Variants in F13A1 observed in about 807,000 individuals in gnomAD.
The protein encoded by F13A1 is coagulation factor XIII A chain.
Under a neutral mutation model 80.1 loss-of-function variants are expected in F13A1, and 47 were observed. The observed-to-expected ratio is 0.59, with a 90% CI of 0.46 to 0.75. The LOEUF (loss-of-function observed/expected upper bound fraction) is 0.75. Ranked by LOEUF, F13A1 falls within the 30% of genes least tolerant of loss-of-function variation. F13A1 has a pLI of 0.00. For missense variants in F13A1, 817 were observed against 930.4 expected (o/e 0.88, Z 1.59); for synonymous variants, 349 against 344.9 (o/e 1.01, Z -0.13).
intron 6 of F13A1, 125 bp downstream of exon 6, chr6:6,248,187 A>T: frequency 1.2e-6 from 1 of 852,400 alleles, no homozygotes; most frequent in South Asian, 1.4e-5. Context: ...GTCAGAAGCT[A>T]GAATCTTACA....
intron 3 of F13A1, among the ~76,000 whole-genome samples, chr6:6,287,889 T>C (rs975078870): frequency 4.6e-5 from 7 of 152,098 alleles, no homozygotes; most frequent in Non-Finnish European, 1.0e-4. Flanking sequence ...GGAGACTGGG[T>C]ATTTCTGTTG....
intron 10 of F13A1, among the ~76,000 whole-genome samples, chr6:6,191,005 C>G (rs1481783607): frequency 2.0e-5 from 3 of 152,228 alleles, no homozygotes; most frequent in Non-Finnish European, 4.4e-5. Flanking sequence ...CATCCGTCAC[C>G]CCTTTCTTTG....
chr6:6,149,893 C>T (rs1344449707), intron 14 of F13A1, among the ~76,000 whole-genome samples: 5 of 152,180 alleles, frequency 3.3e-5, no homozygotes, highest in East Asian at 1.9e-4. Flanking sequence ...TCCTTTCTCC[C>T]GATTCACTCC....
intron 4 of F13A1, among the ~76,000 whole-genome samples, chr6:6,254,211 T>A (rs889859201): frequency 1.3e-5 from 2 of 152,182 alleles, no homozygotes; most frequent in African/African-American, 2.4e-5. Flanking sequence ...ATGGCTGTAG[T>A]GTAAAATACT....
chr6:6,169,852 C>T (rs141879801), intron 12 of F13A1, among the ~76,000 whole-genome samples: 150 of 152,332 alleles, frequency 9.8e-4, no homozygotes, highest in Non-Finnish European at 1.8e-3. Flanking sequence ...TTTGGGCAAG[C>T]GCTAAAGAGC....
chr6:6,308,639 G>T, intron 2 of F13A1, among the ~76,000 whole-genome samples: 1 of 109,908 alleles, frequency 9.1e-6, no homozygotes. Context: ...TTGAGGCAGA[G>T]TCCTGCTCTG....
At chr6:6,211,478 A>T (rs1303401387) in intron 8 of F13A1, among the ~76,000 whole-genome samples, 9 of 152,274 alleles carry the variant, frequency 5.9e-5, no homozygotes, top group Non-Finnish European at 5.9e-5. Context: ...ACAAACCCTT[A>T]AGCATCTTTA....
chr6:6,250,985 T>TTGCAAGTTTA lies in F13A1; in HGVS notation c.572-66_572-57dup. 1 of 1,298,434 alleles carries TTGCAAGTTTA rather than the reference T, an allele frequency of 7.7e-7. No individual in the cohort carries two copies. The highest frequency in any genetic ancestry group is 1.1e-6 in the Non-Finnish European group (1 of 895,930). 80.4% of individuals were successfully genotyped at this position (1,298,434 alleles called of 1,614,324 possible). ...ACCAAACCAGACTGTTTCCAAACAC[T>TTGCAAGTTTA]TGCAAGTTTATGCAAGTTTATTTTG... On this transcript the variant is annotated intron_variant, in intron 4 of 14. Coordinates refer to ENST00000264870, the MANE Select transcript of F13A1 (RefSeq NM_000129.4). This position sits in a 1 kb window ranked among gnomAD's most constrained non-coding sequence, Gnocchi z 4.2.
chr6:6,237,661 C>T (rs1757430788), intron 6 of F13A1, among the ~76,000 whole-genome samples: 1 of 152,200 alleles, frequency 6.6e-6, no homozygotes, highest in Admixed American at 6.5e-5. Flanking sequence ...TGTCCTTACT[C>T]TTTGATCACA....
At chr6:6,281,491 A>T (rs892151451) in intron 3 of F13A1, among the ~76,000 whole-genome samples, 2 of 152,204 alleles carry the variant, frequency 1.3e-5, no homozygotes, top group Non-Finnish European at 1.5e-5. Flanking sequence ...TCCCTAAGGG[A>T]CGACACTAGG....
intron 10 of F13A1, among the ~76,000 whole-genome samples, chr6:6,191,665 C>T (rs1761202832): frequency 6.6e-6 from 1 of 152,230 alleles, no homozygotes; most frequent in South Asian, 2.1e-4. Flanking sequence ...TAGAGACGTG[C>T]TCTTGCTTTC....
At chr6:6,211,956 C>T (rs1011164971) in intron 8 of F13A1, among the ~76,000 whole-genome samples, 5 of 152,358 alleles carry the variant, frequency 3.3e-5, no homozygotes, top group East Asian at 3.9e-4. Context: ...CACCCAAATA[C>T]TGCGCTTTTC....
chr6:6,195,473 A>G (rs1035716436), intron 10 of F13A1, among the ~76,000 whole-genome samples: 8 of 152,216 alleles, frequency 5.3e-5, no homozygotes, highest in East Asian at 1.9e-4. Context: ...ATCTCTTCCA[A>G]TGAGGTTAGT....
chr6:6,300,324 GGC>G (rs1211931754), intron 3 of F13A1, among the ~76,000 whole-genome samples: 1 of 150,970 alleles, frequency 6.6e-6, no homozygotes, highest in Non-Finnish European at 1.5e-5. Flanking sequence ...GGCAATGGCG[GGC>G]GCCCCTCCCC....
At position 6,266,807 on chromosome 6, in the gene F13A1, G is replaced by A. The variant is rs751922706; in HGVS notation, c.322C>T (p.Arg108Cys). The A allele has an allele frequency of 6.8e-6, 11 of 1,614,080 alleles. No individual in the cohort carries two copies. Among genetic ancestry groups the A allele is most frequent in the Admixed American group, 1.7e-5 (1 of 60,014 alleles). Reference sequence around the variant, plus strand: ...GTTCCCTTGTTCTCCTGTGGGTAGCGACCTATGAGAAGAGAGAAGAAATAC... The same window carrying A: ...GTTCCCTTGTTCTCCTGTGGGTAGCAACCTATGAGAAGAGAGAAGAAATAC... ...DLFRVEYVIG[R>C]YPQENKGTYI... The change falls in exon 4 of 15, where the codon CGC (arginine) becomes TGC (cysteine). Residue 108 changes from arginine (R) to cysteine (C), a missense_variant and splice_region_variant. Arg to Cys is a radical substitution (Grantham distance 180). Coordinates refer to ENST00000264870, the MANE Select transcript of F13A1 (RefSeq NM_000129.4).
chr6:6,194,128 C>A (rs144794617), intron 10 of F13A1, among the ~76,000 whole-genome samples: 1 of 152,100 alleles, frequency 6.6e-6, no homozygotes, highest in African/African-American at 2.4e-5. Flanking sequence ...GGAGGGATGA[C>A]CAGCCCTCTA....
In F13A1 at chr6:6,145,643, C is replaced by G; in HGVS notation, c.2175G>C (p.Gln725His). ...LRHVYGELDV[Q>H]IQRRPSM ...TTCACATGGAAGGTCGTCTTTGAAT[C>G]TGCACGTCCAGCTCGCCATACACAT... is the stretch of plus-strand genomic sequence containing the variant. Residue 725 changes from glutamine to histidine, a missense_variant, in exon 15 of 15, where the codon CAG (glutamine) becomes CAC (histidine). Coordinates refer to ENST00000264870, the MANE Select transcript of F13A1 (RefSeq NM_000129.4). 1.9e-6 allele frequency: 3 copies of G among 1,614,158 alleles called. No individual in the cohort carries two copies. The highest frequency in any genetic ancestry group is 2.5e-6 in the Non-Finnish European group (3 of 1,180,018).
chr6:6,176,256 T>C (rs1258784074), intron 11 of F13A1, among the ~76,000 whole-genome samples: 2 of 152,186 alleles, frequency 1.3e-5, no homozygotes, highest in Non-Finnish European at 2.9e-5. Context: ...AATAATAAAA[T>C]GCAATGGTGA....
intron 8 of F13A1, among the ~76,000 whole-genome samples, chr6:6,217,861 CT>C (rs1561658510): frequency 6.6e-6 from 1 of 152,128 alleles, no homozygotes; most frequent in Non-Finnish European, 1.5e-5. Flanking sequence ...CTAAAATGTG[CT>C]TTGAAAAAGG....
Sources: gnomAD v4.1 joint callset for allele counts (sites outside exome capture counted in the v4.1 genomes callset) on GRCh38, gnomAD v4.1.1 for gene constraint, Gnocchi (gnomAD v3.1) non-coding constraint, MANE v1.5 for transcripts, NCBI Gene and HGNC (gene_info 2026-07-23, HGNC 2026-07-21) for gene names.